Variants in CYFIP1 observed in about 807,000 individuals in gnomAD.
CYFIP1 encodes the protein cytoplasmic FMR1-interacting protein 1.
In CYFIP1, 58 loss-of-function variants were observed where a neutral mutation model predicts 163.5. That is an observed-to-expected ratio of 0.35 (90% CI 0.29 to 0.44). The LOEUF is 0.44. Ranked by LOEUF, CYFIP1 falls within the 20% of genes least tolerant of loss-of-function variation. The pLI, the probability that CYFIP1 is intolerant of heterozygous loss-of-function variation, is 1.00. For synonymous variants in CYFIP1, 663 were observed against 660.7 expected, an observed-to-expected ratio of 1.00 and a Z score of -0.05; for missense variants, 1,338 against 1,653.8, an observed-to-expected ratio of 0.81 and a Z score of 3.31.
chr15:22,882,975 A>G lies in CYFIP1; in HGVS notation c.2713T>C (p.Tyr905His). ...TGTGGAGGTCCCACGAAGTTCCGGT[A>G]GCTGCCGTAAATGCTGGAGTAGGCC... ...NLAYSSIYGS[Y>H]RNFVGPPHFQ... The change falls in exon 24 of 31, where the codon TAC becomes CAC. Residue 905 changes from tyrosine to histidine, a missense_variant. Physicochemically the swap from Tyr to His is moderately conservative, Grantham distance 83. Around this residue, in one of 4 missense-constraint regions of CYFIP1, gnomAD observed 824 missense variants for 995.7 expected, o/e 0.83. Transcript: ENST00000617928. The G allele has an allele frequency of 6.2e-7, 1 of 1,614,052 alleles. No individual in the cohort carries two copies. Among genetic ancestry groups the G allele is most frequent in the Non-Finnish European group, 8.5e-7 (1 of 1,179,926 alleles).
At chr15:22,927,098 A>G (rs1404463939) in intron 12 of CYFIP1, among the ~76,000 whole-genome samples, 1 of 152,100 alleles carries the variant, frequency 6.6e-6, no homozygotes, top group African/African-American at 2.4e-5. Context: ...GCACTTTGGA[A>G]GGCCCAGGCA....
At chr15:22,908,497 TGGTCCCTAAAGAAGATATTTC>T in intron 21 of CYFIP1, among the ~76,000 whole-genome samples, 1 of 149,678 alleles carries the variant, frequency 6.7e-6, no homozygotes, top group African/African-American at 2.5e-5. Context: ...TGGGCTCTCT[TGGTCCCTAAAGAAGATATTTC>T]TTTTTTTTTT....
chr15:22,888,284 C>T (rs775629386), intron 23 of CYFIP1, among the ~76,000 whole-genome samples: 15 of 152,158 alleles, frequency 9.9e-5, no homozygotes, highest in Non-Finnish European at 1.8e-4. Flanking sequence ...AGCAAGTGCA[C>T]GTGGCATATG....
At chr15:22,979,303 G>A (rs2140299961) in intron 1 of CYFIP1, among the ~76,000 whole-genome samples, 1 of 152,204 alleles carries the variant, frequency 6.6e-6, no homozygotes, top group East Asian at 1.9e-4. Flanking sequence ...CGGCCTGGCC[G>A]GGACTCTGCC....
intron 29 of CYFIP1, 65 bp from the exon 30 acceptor site, chr15:22,873,037 T>C: frequency 6.4e-7 from 1 of 1,557,392 alleles, no homozygotes; most frequent in Non-Finnish European, 8.8e-7. Flanking sequence ...TTTCTCAGTC[T>C]GTCTCCAGAT....
chr15:22,932,368 C>G, intron 10 of CYFIP1, 28 bp from the exon 11 acceptor site: 1 of 1,514,628 alleles, frequency 6.6e-7, no homozygotes, highest in Non-Finnish European at 8.9e-7. Flanking sequence ...ACCCGCGTTA[C>G]CTGCGGAGGC....
intron 1 of CYFIP1, among the ~76,000 whole-genome samples, chr15:22,958,587 G>A (rs1311784427): frequency 6.6e-6 from 1 of 152,308 alleles, no homozygotes; most frequent in South Asian, 2.1e-4. Context: ...TGGGGCTGCA[G>A]CCCCTTCGGC....
chr15:22,869,710 A>C lies in CYFIP1; in HGVS notation c.*318T>G. ...GGGATTTAATGCATTTGCTGGTATT[A>C]AGTTTCTTATGGAATGAATGAATGA... On this transcript the variant is annotated 3_prime_UTR_variant, in exon 31 of 31. Transcript: ENST00000617928. 4.8e-6 allele frequency: 1 copy of C among 207,422 alleles called. No individual in the cohort carries two copies. Among genetic ancestry groups the C allele is most frequent in the Non-Finnish European group, 9.5e-6 (1 of 105,356 alleles). 12.8% of individuals were successfully genotyped at this position (207,422 alleles called of 1,614,324 possible). A position where few individuals can be genotyped will look rare whatever the true frequency, so the allele number is the denominator to read the frequency against.
In CYFIP1 at chr15:22,937,114, T is replaced by C. The variant is rs529065610; in HGVS notation, c.890A>G (p.Lys297Arg). 19 of 1,600,754 alleles carry C rather than the reference T, an allele frequency of 1.2e-5. No homozygotes were observed. The highest frequency in any genetic ancestry group is 1.7e-4 in the Middle Eastern group (1 of 6,042). Residue 297 changes from lysine to arginine, a missense_variant, in exon 9 of 31, where the codon AAG (lysine) becomes AGG (arginine). Physicochemically the swap from Lys to Arg is conservative, Grantham distance 26 (BLOSUM62 2). Transcript: ENST00000617928. ...AAACATGTAACTCACCTTGAAGTAC[T>C]TGTCGATTTTGGATAAGTTTATTCT... is the stretch of plus-strand genomic sequence containing the variant. ...KKRINLSKID[K>R]YFKQLQVVPL...
chr15:22,881,966 G>A (rs754520883), intron 24 of CYFIP1, 30 bp from the exon 25 acceptor site: 3 of 1,594,224 alleles, frequency 1.9e-6, no homozygotes, highest in Admixed American at 3.3e-5. Flanking sequence ...GGCTGCGTCA[G>A]CCACCCCACT....
intron 23 of CYFIP1, among the ~76,000 whole-genome samples, chr15:22,887,474 A>T (rs1566930090): frequency 6.6e-6 from 1 of 152,206 alleles, no homozygotes; most frequent in Non-Finnish European, 1.5e-5. Flanking sequence ...TCAATGTTTG[A>T]AAAGAAGAAC....
rs60709797 is a variant in CYFIP1 at position 22,868,079 on chromosome 15, G to C, written c.*1949C>G. On this transcript the variant is annotated 3_prime_UTR_variant, in exon 31 of 31. Coordinates refer to ENST00000617928, the MANE Select transcript of CYFIP1 (RefSeq NM_014608.6). ...GGAGGTTACCCAGTGGTGCGCCAGC[G>C]CCAAGCCATCACTCCCCGAGGGCCT... 6.6e-6 allele frequency: 1 copy of C among 152,162 alleles called. No individual in the cohort carries two copies. The highest frequency in any genetic ancestry group is 2.4e-5 in the African/African-American group (1 of 41,408). 9.4% of individuals were successfully genotyped at this position (152,162 alleles called of 1,614,324 possible).
Position 22,903,909 on chromosome 15 carries a change from T to G in CYFIP1, c.2389-4A>C, listed in dbSNP as rs2060485341. On this transcript the variant is annotated splice_region_variant and splice_polypyrimidine_tract_variant and intron_variant, in intron 21 of 30. Transcript: ENST00000617928. ...TTTCCAACAGGCCATCCAGCTCCTG[T>G]GGCACCAAAGACAGGGGTGGGTGAC... 3 of 1,613,538 alleles carry G rather than the reference T, an allele frequency of 1.9e-6. No individual in the cohort carries two copies. The highest frequency in any genetic ancestry group is 3.3e-5 in the Admixed American group (2 of 59,948).
At chr15:22,876,223 A>G (rs1031120035) in intron 26 of CYFIP1, among the ~76,000 whole-genome samples, 1 of 152,066 alleles carries the variant, frequency 6.6e-6, no homozygotes, top group Admixed American at 6.5e-5. Context: ...AGGACCTCCC[A>G]GAGATGATGG....
intron 6 of CYFIP1, among the ~76,000 whole-genome samples, chr15:22,939,945 C>T (rs2061843756): frequency 6.6e-6 from 1 of 152,174 alleles, no homozygotes; most frequent in Non-Finnish European, 1.5e-5. Context: ...TGCTGGGAAC[C>T]CTCTGGACCA....
chr15:22,945,577 A>ATT (rs36001319), intron 3 of CYFIP1, among the ~76,000 whole-genome samples: 1 of 144,178 alleles, frequency 6.9e-6, no homozygotes, highest in Non-Finnish European at 1.5e-5. Flanking sequence ...TCATCACAGT[A>ATT]TTTTTTTTTT....
In CYFIP1 at chr15:22,918,871, C is replaced by A. The variant is rs775232270; in HGVS notation, c.1360-13G>T. 7.6e-6 allele frequency: 12 copies of A among 1,579,718 alleles called. No individual in the cohort carries two copies. The African/African-American group carries it at 1.6e-4, about 21-fold the overall frequency. ...TCATGGCGATCACCTGCGGGGGACACAGCAACAGGGACGGCCCTTCTTAGG... is the reference window on the plus strand; with the variant it reads ...TCATGGCGATCACCTGCGGGGGACAAAGCAACAGGGACGGCCCTTCTTAGG... On this transcript the variant is annotated splice_polypyrimidine_tract_variant and intron_variant, in intron 13 of 30. Transcript: ENST00000617928.
Position 22,967,000 on chromosome 15 carries a change from CT to C in CYFIP1, c.-7+13286del, listed in dbSNP as rs1026284040. Among the ~76,000 whole-genome samples, 33 of 146,314 alleles carry C rather than the reference CT, an allele frequency of 2.3e-4. 1 individual carries two copies. Among genetic ancestry groups the C allele is most frequent in the South Asian group, 4.3e-4 (2 of 4,630 alleles). On this transcript the variant is annotated intron_variant, in intron 1 of 30. Coordinates refer to ENST00000617928, the MANE Select transcript of CYFIP1 (RefSeq NM_014608.6). ...CCGCAGTTCCCAAAATCACCTCTGC[CT>C]TTTTTTTTTTCTGCAGGGGAGCCAA... is the stretch of plus-strand genomic sequence containing the variant.
chr15:22,970,238 A>G (rs1010847025), intron 1 of CYFIP1, among the ~76,000 whole-genome samples: 3 of 152,192 alleles, frequency 2.0e-5, no homozygotes, highest in Non-Finnish European at 4.4e-5. Context: ...AAAAAATATA[A>G]TCAAGGAGGT....
Sources: allele counts gnomAD v4.1 joint callset (sites outside exome capture counted in the v4.1 genomes callset), GRCh38; gene constraint gnomAD v4.1.1; regional missense constraint gnomAD v4.1.1; transcripts MANE v1.5; gene names NCBI Gene and HGNC (gene_info 2026-07-23, HGNC 2026-07-21).